Variants in RNF13 observed in about 807,000 individuals in gnomAD.
RNF13 encodes the protein E3 ubiquitin-protein ligase RNF13.
Under a neutral mutation model 37.7 loss-of-function variants are expected in RNF13, and 19 were observed. The ratio of observed to expected loss-of-function variants is 0.50; its 90% CI spans 0.35 to 0.74. The LOEUF is 0.74. Among genes scored for constraint, RNF13 ranks in the 30% least tolerant of loss-of-function variants. RNF13 has a pLI of 0.01. For missense variants in RNF13, 375 were observed against 453.0 expected, an observed-to-expected ratio of 0.83 and a Z score of 1.56; for synonymous variants, 144 against 157.8, an observed-to-expected ratio of 0.91 and a Z score of 0.65.
chr3:149,816,076 T>A (rs1287964656), intron 1 of RNF13, among the ~76,000 whole-genome samples: 1 of 151,636 alleles, frequency 6.6e-6, no homozygotes, highest in African/African-American at 2.4e-5. Flanking sequence ...TTTTTTTTTT[T>A]TTTTGTAGAG....
Position 149,900,385 on chromosome 3 carries a change from T to TA in RNF13, c.410-1678dup, listed in dbSNP as rs1042004409. ...CAAAATAGAAAATATCTCCCAAATA[T>TA]AAAAAAAAATATAGTCCTATAACAA... On this transcript the variant is annotated intron_variant, in intron 5 of 9. Coordinates refer to ENST00000392894, the MANE Select transcript of RNF13 (RefSeq NM_183381.3). 3.0e-4 allele frequency among the ~76,000 whole-genome samples: 44 copies of TA among 149,056 alleles called. No homozygotes were observed. The South Asian group carries it at 4.0e-3, about 14-fold the overall frequency.
chr3:149,891,952 T>C (rs2108485297), intron 4 of RNF13, among the ~76,000 whole-genome samples: 1 of 152,356 alleles, frequency 6.6e-6, no homozygotes, highest in Admixed American at 6.5e-5. Context: ...TTCATAAACA[T>C]GGATGTATTT....
intron 6 of RNF13, among the ~76,000 whole-genome samples, chr3:149,903,388 A>G (rs1232888849): frequency 6.6e-6 from 1 of 152,044 alleles, no homozygotes; most frequent in Non-Finnish European, 1.5e-5. Flanking sequence ...TTTTAAAATT[A>G]AGAAGTAATA....
intron 8 of RNF13, among the ~76,000 whole-genome samples, chr3:149,922,274 T>C (rs1559953550): frequency 6.6e-6 from 1 of 152,138 alleles, no homozygotes; most frequent in Non-Finnish European, 1.5e-5. Flanking sequence ...GCCTGGCCTG[T>C]TTCCTGACTT....
At chr3:149,919,842 C>G (rs1296158107) in intron 7 of RNF13, among the ~76,000 whole-genome samples, 1 of 152,178 alleles carries the variant, frequency 6.6e-6, no homozygotes, top group African/African-American at 2.4e-5. Flanking sequence ...GTGGTTGTAC[C>G]ATTTTACAAT....
chr3:149,860,444 A>G (rs2108412785), intron 3 of RNF13, among the ~76,000 whole-genome samples: 1 of 151,932 alleles, frequency 6.6e-6, no homozygotes, highest in South Asian at 2.1e-4. Context: ...GCTACAGAGT[A>G]GAGGATCCAG....
At position 149,912,051 on chromosome 3, in the gene RNF13, G is replaced by C; in HGVS notation, c.574G>C (p.Gly192Arg). 2 of 1,581,770 alleles carry C rather than the reference G, an allele frequency of 1.3e-6. No individual in the cohort carries two copies. Among genetic ancestry groups the C allele is most frequent in the Non-Finnish European group, 1.7e-6 (2 of 1,152,212 alleles). ...YYLIPFLIIV[G>R]ICLILIVIFM... ...CCTAATTCCCTTCCTTATCATAGTG[G>C]GCATCTGTCTCATCTTGATAGTCAT... Residue 192 changes from glycine (G) to arginine (R), a missense_variant, in exon 7 of 10, where the codon GGC becomes CGC. Coordinates refer to ENST00000392894, the MANE Select transcript of RNF13 (RefSeq NM_183381.3).
chr3:149,865,866 G>A (rs1280823755), intron 3 of RNF13, among the ~76,000 whole-genome samples: 2 of 151,818 alleles, frequency 1.3e-5, no homozygotes, highest in African/African-American at 2.4e-5. Flanking sequence ...CTTGGATCTC[G>A]TGCAAGAAAG....
At chr3:149,863,535 A>T (rs1417900091) in intron 3 of RNF13, among the ~76,000 whole-genome samples, 1 of 152,070 alleles carries the variant, frequency 6.6e-6, no homozygotes, top group Non-Finnish European at 1.5e-5. Flanking sequence ...GTGTACCACC[A>T]CGCCTGGCTA....
intron 8 of RNF13, among the ~76,000 whole-genome samples, chr3:149,959,683 T>C (rs902260200): frequency 6.6e-6 from 1 of 152,234 alleles, no homozygotes; most frequent in Admixed American, 6.5e-5. Context: ...CATTTGAGTA[T>C]ATTCTCATGT....
At chr3:149,894,173 A>T (rs1715005994) in intron 4 of RNF13, among the ~76,000 whole-genome samples, 1 of 152,116 alleles carries the variant, frequency 6.6e-6, no homozygotes, top group South Asian at 2.1e-4. Context: ...TTTTTTTAGT[A>T]ATAGGATAAT....
At chr3:149,946,863 G>A (rs996941617) in intron 8 of RNF13, among the ~76,000 whole-genome samples, 1 of 152,094 alleles carries the variant, frequency 6.6e-6, no homozygotes, top group Non-Finnish European at 1.5e-5. Context: ...TCCTTTAAGT[G>A]TCAGGTTAAG....
chr3:149,948,711 A>C (rs570688702), intron 8 of RNF13, among the ~76,000 whole-genome samples: 1 of 152,246 alleles, frequency 6.6e-6, no homozygotes, highest in Non-Finnish European at 1.5e-5. Context: ...CATTTAATGT[A>C]ATTATTACTT....
chr3:149,948,798 G>A (rs1721022589), intron 8 of RNF13, among the ~76,000 whole-genome samples: 2 of 152,214 alleles, frequency 1.3e-5, no homozygotes, highest in East Asian at 1.9e-4. Flanking sequence ...AGGCCAAGGT[G>A]GGCGGATCAC....
chr3:149,912,479 C>T (rs1717091531), intron 7 of RNF13, among the ~76,000 whole-genome samples: 1 of 151,966 alleles, frequency 6.6e-6, no homozygotes, highest in African/African-American at 2.4e-5. Context: ...TTTACTAAAC[C>T]TAGTAATGAC....
chr3:149,945,367 G>T (rs968701840), intron 8 of RNF13, among the ~76,000 whole-genome samples: 7 of 152,146 alleles, frequency 4.6e-5, no homozygotes, highest in Non-Finnish European at 5.9e-5. Flanking sequence ...AGGCTGGGGG[G>T]TGGGGGGTGC....
At chr3:149,891,908 GTAATT>G (rs1436313270) in intron 4 of RNF13, among the ~76,000 whole-genome samples, 1 of 152,190 alleles carries the variant, frequency 6.6e-6, no homozygotes, top group African/African-American at 2.4e-5. Context: ...AGTTGAAAAT[GTAATT>G]TAATTTGACT....
intron 7 of RNF13, among the ~76,000 whole-genome samples, chr3:149,919,537 G>A (rs1434533856): frequency 2.0e-5 from 3 of 152,050 alleles, no homozygotes; most frequent in Non-Finnish European, 2.9e-5. Context: ...TTCTGTCACC[G>A]TAATTATTTT....
chr3:149,935,287 T>G (rs772435916), intron 8 of RNF13, among the ~76,000 whole-genome samples: 1 of 152,190 alleles, frequency 6.6e-6, no homozygotes, highest in Non-Finnish European at 1.5e-5. Context: ...GTGAGTTTCT[T>G]ATCGGCAGCA....
Sources: gnomAD v4.1 joint callset for allele counts (sites outside exome capture counted in the v4.1 genomes callset) on GRCh38, gnomAD v4.1.1 for gene constraint, MANE v1.5 for transcripts, NCBI Gene and HGNC (gene_info 2026-07-23, HGNC 2026-07-21) for gene names.